Variants in PAK1 observed in about 807,000 individuals in gnomAD.
PAK1 encodes the protein p21 (RAC1) activated kinase 1.
A neutral mutation model predicts 67.4 loss-of-function variants in PAK1; 29 were observed. The observed-to-expected ratio is 0.43, with a 90% CI of 0.32 to 0.59. The LOEUF is 0.59. PAK1 is among the 20% of genes least tolerant of loss of function. The pLI is 0.07. For synonymous variants in PAK1, 223 were observed against 237.4 expected, an observed-to-expected ratio of 0.94 and a Z score of 0.56; for missense variants, 337 against 670.7, an observed-to-expected ratio of 0.50 and a Z score of 5.50.
At chr11:77,378,669 A>G (rs1949413023) in intron 4 of PAK1, among the ~76,000 whole-genome samples, 1 of 151,446 alleles carries the variant, frequency 6.6e-6, no homozygotes, top group Non-Finnish European at 1.5e-5. Context: ...GCTCACTGCA[A>G]CTCCACCTCC....
At chr11:77,374,063 G>C (rs1948779828) in intron 5 of PAK1, among the ~76,000 whole-genome samples, 2 of 152,060 alleles carry the variant, frequency 1.3e-5, no homozygotes, top group Admixed American at 6.6e-5. Flanking sequence ...AGAATTTCTA[G>C]AACATTTTAC....
intron 5 of PAK1, among the ~76,000 whole-genome samples, chr11:77,360,527 G>A (rs1263240770): frequency 6.6e-6 from 1 of 152,118 alleles, no homozygotes; most frequent in Non-Finnish European, 1.5e-5. Context: ...CCTAATGTGG[G>A]AATACAGTTG....
At chr11:77,340,517 T>A in intron 11 of PAK1, 129 bp downstream of exon 11, 1 of 690,152 alleles carries the variant, frequency 1.4e-6, no homozygotes, top group East Asian at 2.5e-5. Context: ...ACAGGAATGA[T>A]AGCAGTGTCA....
chr11:77,373,839 T>C (rs1011577037), intron 5 of PAK1, among the ~76,000 whole-genome samples: 3 of 152,146 alleles, frequency 2.0e-5, no homozygotes, highest in East Asian at 1.9e-4. Flanking sequence ...CTTCAACAAT[T>C]AGTACTAATC....
the PAK1 span, among the ~76,000 whole-genome samples, chr11:77,517,728 C>T: frequency 6.6e-6 from 1 of 152,106 alleles, no homozygotes; most frequent in East Asian, 1.9e-4. Context: ...TTATACAACT[C>T]ACCATAATGC....
Position 77,444,409 on chromosome 11 carries a change from C to T in PAK1, c.-22+29143G>A, listed in dbSNP as rs574624625. 1.8e-3 allele frequency among the ~76,000 whole-genome samples: 271 copies of T among 152,114 alleles called. 1 individual carries two copies. The highest frequency in any genetic ancestry group is 0.017 in the Middle Eastern group (5 of 294). On this transcript the variant is annotated intron_variant, in intron 1 of 14. Transcript: ENST00000356341. ...AGGAAGCTTATATTTTTAAGTTTCC[C>T]GGGTGTGGTCATGCTCAAAAACTAT... is the stretch of plus-strand genomic sequence containing the variant.
the PAK1 span, among the ~76,000 whole-genome samples, chr11:77,496,366 T>C: frequency 1.4e-4 from 21 of 152,236 alleles, no homozygotes; most frequent in Admixed American, 6.5e-5. Context: ...GGCTCGATCT[T>C]ATAATCCCAT....
intron 1 of PAK1, among the ~76,000 whole-genome samples, chr11:77,422,319 G>A (rs900143667): frequency 3.9e-5 from 6 of 152,062 alleles, no homozygotes; most frequent in African/African-American, 1.4e-4. Flanking sequence ...CAGCACTCTG[G>A]GGAGGCTGAA....
At chr11:77,427,986 T>A (rs1400251345) in intron 1 of PAK1, among the ~76,000 whole-genome samples, 2 of 152,150 alleles carry the variant, frequency 1.3e-5, no homozygotes, top group Non-Finnish European at 2.9e-5. Flanking sequence ...TACTGGGGTA[T>A]GTCTAAGGAG....
chr11:77,508,443 T>G, the PAK1 span, among the ~76,000 whole-genome samples: 3 of 152,166 alleles, frequency 2.0e-5, no homozygotes, highest in African/African-American at 7.2e-5. Context: ...AAGACATCCC[T>G]AATTTGAGGT....
chr11:77,328,377 A>G (rs1317240827), intron 14 of PAK1, among the ~76,000 whole-genome samples: 7 of 152,100 alleles, frequency 4.6e-5, no homozygotes, highest in African/African-American at 1.4e-4. Flanking sequence ...TTGACCACAT[A>G]GTTGGAAGTA....
intron 1 of PAK1, among the ~76,000 whole-genome samples, chr11:77,444,996 C>T (rs1229767721): frequency 6.6e-6 from 1 of 151,912 alleles, no homozygotes; most frequent in Non-Finnish European, 1.5e-5. Context: ...ATGTTAAAAT[C>T]CTAACCACCA....
chr11:77,324,822 G>A (rs1445169886), intron 14 of PAK1, among the ~76,000 whole-genome samples: 1 of 151,842 alleles, frequency 6.6e-6, no homozygotes. Flanking sequence ...GAAAGAGAGA[G>A]AAACATATAT....
chr11:77,373,685 G>T (rs1948732829), intron 5 of PAK1, among the ~76,000 whole-genome samples: 1 of 151,544 alleles, frequency 6.6e-6, no homozygotes, highest in Non-Finnish European at 1.5e-5. Context: ...AATAGAATTT[G>T]TAAGTTAAGA....
chr11:77,409,586 A>T, intron 1 of PAK1, among the ~76,000 whole-genome samples: 1 of 152,160 alleles, frequency 6.6e-6, no homozygotes, highest in East Asian at 1.9e-4. Context: ...ATATACACAC[A>T]ACGGAATATT....
intron 13 of PAK1, among the ~76,000 whole-genome samples, chr11:77,335,766 G>T (rs1398640106): frequency 6.6e-6 from 1 of 152,144 alleles, no homozygotes; most frequent in East Asian, 1.9e-4. Context: ...TAGCACACCT[G>T]TTCCTCCATT....
At chr11:77,431,569 G>A (rs1364459962) in intron 1 of PAK1, among the ~76,000 whole-genome samples, 1 of 152,104 alleles carries the variant, frequency 6.6e-6, no homozygotes, top group Non-Finnish European at 1.5e-5. Flanking sequence ...GACTGATATG[G>A]AAGGCAATCA....
intron 5 of PAK1, among the ~76,000 whole-genome samples, chr11:77,362,189 T>G (rs780803392): frequency 2.6e-5 from 4 of 152,182 alleles, no homozygotes; most frequent in Non-Finnish European, 2.9e-5. Context: ...GGGCATTTGC[T>G]TAAAGGTGTA....
intron 8 of PAK1, 89 bp from the exon 9 acceptor site, chr11:77,349,376 TGA>T: frequency 1.3e-5 from 13 of 983,928 alleles, no homozygotes; most frequent in Non-Finnish European, 1.9e-5. Context: ...ACACAATCTG[TGA>T]GTGTCAAAAA....
Sources: gnomAD v4.1 joint callset for allele counts (sites outside exome capture counted in the v4.1 genomes callset) on GRCh38, gnomAD v4.1.1 for gene constraint, MANE v1.5 for transcripts, NCBI Gene and HGNC (gene_info 2026-07-23, HGNC 2026-07-21) for gene names.